The following MAP3K15 variants were observed in gnomAD, a reference collection of about 807,000 sequenced individuals.
MAP3K15 encodes the protein mitogen-activated protein kinase kinase kinase 15, also known as MAPK/ERK kinase kinase 15.
In MAP3K15, 124 loss-of-function variants were observed where a neutral mutation model predicts 99.5. That is an observed-to-expected ratio of 1.25 (90% CI 1.08 to 1.45). The LOEUF is 1.45. MAP3K15 is among the 40% of genes most tolerant of loss of function. MAP3K15 has a pLI of 0.00. For synonymous variants in MAP3K15, 494 were observed against 439.6 expected, an observed-to-expected ratio of 1.12 and a Z score of -1.55; for missense variants, 1,242 against 1,079.7, an observed-to-expected ratio of 1.15 and a Z score of -2.11.
chrX:19,491,056 C>T (rs1177260214), intron 1 of MAP3K15, among the ~76,000 whole-genome samples: 2 of 111,268 alleles, frequency 1.8e-5, no homozygotes, highest in African/African-American at 6.5e-5. Context: ...GCCAGTTGAA[C>T]AAGGGCGTGA....
At chrX:19,508,152 G>A (rs1190661596) in intron 1 of MAP3K15, among the ~76,000 whole-genome samples, 1 of 111,352 alleles carries the variant, frequency 9.0e-6, no homozygotes, top group Non-Finnish European at 1.9e-5. Context: ...ACAGGCATGA[G>A]CCGCCACGCC....
chrX:19,412,275 T>C (rs888793819), intron 11 of MAP3K15, among the ~76,000 whole-genome samples: 4 of 112,304 alleles, frequency 3.6e-5, no homozygotes, highest in African/African-American at 9.7e-5. Context: ...ACACATTTTA[T>C]GTAATAATCA....
intron 1 of MAP3K15, among the ~76,000 whole-genome samples, chrX:19,492,901 C>T (rs756519521): frequency 4.7e-4 from 52 of 110,666 alleles, no homozygotes; most frequent in African/African-American, 1.5e-3. Flanking sequence ...TGGGAGGAGG[C>T]GGTTGCAGTG....
chrX:19,492,596 G>A lies in MAP3K15; in HGVS notation c.362-3629C>T, dbSNP rs185183065. 2.2e-3 allele frequency among the ~76,000 whole-genome samples: 249 copies of A among 111,522 alleles called. 2 individuals are homozygous for A. Among genetic ancestry groups the A allele is most frequent in the Non-Finnish European group, 2.0e-3 (105 of 53,146 alleles). ...GACATTTGCTTAGAGTCAAGATAAT[G>A]CGCCACTGCAGCTGAGTAAATTAGA... On this transcript the variant is annotated intron_variant, in intron 1 of 28. Transcript: ENST00000338883.
chrX:19,370,903 T>C, intron 24 of MAP3K15, 56 bp downstream of exon 24: 1 of 868,673 alleles, frequency 1.2e-6, no homozygotes, highest in Non-Finnish European at 1.7e-6. Flanking sequence ...ATGAAGAGGA[T>C]ATTTCTTATC....
In MAP3K15 at chrX:19,361,527, C is replaced by T. The variant is rs760297711; in HGVS notation, c.3746G>A (p.Arg1249Gln). Residue 1249 changes from arginine (R) to glutamine (Q), a missense_variant, in exon 27 of 29, where the codon CGG becomes CAG. By Grantham distance (43) the Arg-to-Gln change is conservative (BLOSUM62 1). Coordinates refer to ENST00000338883, the MANE Select transcript of MAP3K15 (RefSeq NM_001001671.4). ...RTDKELIDWL[R>Q]LQGADAKTIE... is the part of the protein sequence containing the mutation. ...TGTCTTTGCATCAGCTCCTTGCAGC[C>T]GCAACCAGTCTATAAGCTCTTTATC... The T allele has an allele frequency of 1.7e-6, 2 of 1,211,305 alleles. No homozygotes were observed. The highest frequency in any genetic ancestry group is 1.7e-5 in the African/African-American group (1 of 57,895).
chrX:19,393,113 A>G (rs926357121), intron 16 of MAP3K15, among the ~76,000 whole-genome samples: 1 of 111,417 alleles, frequency 9.0e-6, no homozygotes, highest in Non-Finnish European at 1.9e-5. Flanking sequence ...CCTTAAGGAC[A>G]CTGTGACCAC....
chrX:19,391,674 CAAAAAAAAA>C (rs759061873), intron 18 of MAP3K15, among the ~76,000 whole-genome samples: 1 of 28,535 alleles, frequency 3.5e-5, no homozygotes, highest in Non-Finnish European at 7.1e-5. Flanking sequence ...GACCCCGTCT[CAAAAAAAAA>C]AAAAAAAAAA....
At chrX:19,392,970 G>A (rs966135259) in intron 16 of MAP3K15, among the ~76,000 whole-genome samples, 2 of 110,579 alleles carry the variant, frequency 1.8e-5, no homozygotes, top group Non-Finnish European at 3.8e-5. Flanking sequence ...TAGGACTGGA[G>A]GAAGTTGGGT....
chrX:19,366,956 C>T (rs1195998220), intron 25 of MAP3K15, among the ~76,000 whole-genome samples: 2 of 111,504 alleles, frequency 1.8e-5, no homozygotes, highest in Non-Finnish European at 3.8e-5. Context: ...GATTATAAAT[C>T]TTATTGGGTG....
At chrX:19,402,341 AACAACTGGG>A (rs1434493721) in intron 13 of MAP3K15, among the ~76,000 whole-genome samples, 5 of 110,903 alleles carry the variant, frequency 4.5e-5, no homozygotes, top group Non-Finnish European at 9.4e-5. Context: ...AAGAATACGG[AACAACTGGG>A]ACTCTCATAC....
At chrX:19,463,264 G>A (rs2147361364) in intron 4 of MAP3K15, among the ~76,000 whole-genome samples, 1 of 111,850 alleles carries the variant, frequency 8.9e-6, no homozygotes, top group South Asian at 3.8e-4. Context: ...TGTATCCAGG[G>A]AAGAGGTGAC....
Position 19,360,754 on chromosome X carries a change from C to A in MAP3K15, c.3937G>T (p.Ala1313Ser). ...AQEASETKDK[A>S] The stretch of plus-strand genomic sequence containing the variant: ...CACAGCTTAGCTGATTGGTATCAAG[C>A]CTTGTCTTTGGTTTCTGAGGCCTCC... The change falls in exon 29 of 29, where the codon GCT (alanine) becomes TCT (serine). Residue 1313 changes from alanine (A) to serine (S), a missense_variant. By Grantham distance (99) the Ala-to-Ser change is moderately conservative (BLOSUM62 1). Coordinates refer to ENST00000338883, the MANE Select transcript of MAP3K15 (RefSeq NM_001001671.4). 8.3e-7 allele frequency: 1 copy of A among 1,206,179 alleles called. No homozygotes were observed. The highest frequency in any genetic ancestry group is 1.1e-6 in the Non-Finnish European group (1 of 891,642).
intron 3 of MAP3K15, among the ~76,000 whole-genome samples, chrX:19,481,071 G>A (rs918019550): frequency 1.1e-5 from 1 of 91,770 alleles, no homozygotes; most frequent in East Asian, 3.4e-4. Flanking sequence ...AGCCATGATC[G>A]CACCACTGCA....
intron 5 of MAP3K15, among the ~76,000 whole-genome samples, chrX:19,457,764 T>C (rs2064104401): frequency 8.9e-6 from 1 of 111,889 alleles, no homozygotes; most frequent in Non-Finnish European, 1.9e-5. Flanking sequence ...TCTAAACTAG[T>C]GTTTCTCAAC....
intron 6 of MAP3K15, among the ~76,000 whole-genome samples, chrX:19,446,027 G>C (rs1458854055): frequency 1.8e-5 from 2 of 111,695 alleles, no homozygotes; most frequent in Non-Finnish European, 3.8e-5. Flanking sequence ...ACAGAGACTA[G>C]CTGAGGTAGT....
At chrX:19,366,125 G>A (rs545975145) in intron 25 of MAP3K15, among the ~76,000 whole-genome samples, 1 of 110,450 alleles carries the variant, frequency 9.1e-6, no homozygotes, top group Admixed American at 9.8e-5. Flanking sequence ...GTGGCAAAGT[G>A]GGGTGGGGAG....
chrX:19,427,399 G>A (rs1163423209), intron 7 of MAP3K15, among the ~76,000 whole-genome samples: 1 of 111,457 alleles, frequency 9.0e-6, no homozygotes, highest in Non-Finnish European at 1.9e-5. Context: ...TTCTCTGCAA[G>A]CTGTTTGTTT....
At chrX:19,505,139 C>A (rs190997103) in intron 1 of MAP3K15, among the ~76,000 whole-genome samples, 3 of 108,497 alleles carry the variant, frequency 2.8e-5, no homozygotes, top group Admixed American at 2.0e-4. Flanking sequence ...AATGTCTCCA[C>A]CCACCCCCAC....
Sources: allele counts gnomAD v4.1 joint callset (sites outside exome capture counted in the v4.1 genomes callset), GRCh38; gene constraint gnomAD v4.1.1; transcripts MANE v1.5; gene names NCBI Gene and HGNC (gene_info 2026-07-23, HGNC 2026-07-21).